Variants in MRE11 observed in about 807,000 individuals in gnomAD.
MRE11 encodes MRE11 double strand break repair nuclease, also known as double-strand break repair protein MRE11.
A neutral mutation model predicts 91.7 loss-of-function variants in MRE11; 62 were observed. The observed-to-expected ratio is 0.68, with a 90% CI of 0.55 to 0.84. MRE11 has a LOEUF of 0.84. Ranked by LOEUF, MRE11 falls within the 40% of genes least tolerant of loss-of-function variation. The probability of loss-of-function intolerance (pLI) is 0.00; values close to 1 mark genes in which losing one functional copy is unlikely to be tolerated. For synonymous variants in MRE11, 273 were observed against 271.4 expected (o/e 1.01, Z -0.06); for missense variants, 796 against 852.9 (o/e 0.93, Z 0.83).
chr11:94,498,032 TTTGAG>T (rs568000570), upstream of MRE11: 1,066 of 1,473,000 alleles, frequency 7.2e-4, 8 homozygotes, highest in Middle Eastern at 9.8e-3. Context: ...ATTGTTTTGG[TTTGAG>T]TTGAGTTGAA....
the MRE11 span, among the ~76,000 whole-genome samples, chr11:94,503,652 C>T: frequency 2.5e-4 from 37 of 150,934 alleles, no homozygotes; most frequent in Non-Finnish European, 4.7e-4. Context: ...GCCAAGATCG[C>T]GCCACTGCAC....
In MRE11 at chr11:94,420,032, A is replaced by G; in HGVS notation, c.*93T>C. Reference sequence around the variant, plus strand: ...TCTTACTTATGGAGTTATGCTCAGGAAACAATACTTAAAATCTTAAACTGT... The same window carrying G: ...TCTTACTTATGGAGTTATGCTCAGGGAACAATACTTAAAATCTTAAACTGT... On this transcript the variant is annotated 3_prime_UTR_variant, in exon 20 of 20. Coordinates refer to ENST00000323929, the MANE Select transcript of MRE11 (RefSeq NM_005591.4). The G allele has an allele frequency of 9.6e-7, 1 of 1,037,450 alleles. No individual in the cohort carries two copies. Among genetic ancestry groups the G allele is most frequent in the Admixed American group, 1.9e-5 (1 of 51,476 alleles). 64.3% of individuals were successfully genotyped at this position (1,037,450 alleles called of 1,614,324 possible).
chr11:94,430,705 G>A (rs968393676), intron 18 of MRE11, among the ~76,000 whole-genome samples: 5 of 151,894 alleles, frequency 3.3e-5, no homozygotes, highest in African/African-American at 9.7e-5. Context: ...TCTTGACCTC[G>A]TGATCCGCCC....
In MRE11 at chr11:94,417,638, G is replaced by A; in HGVS notation, c.*2487C>T. 4.3e-6 allele frequency: 1 copy of A among 233,058 alleles called. No individual in the cohort carries two copies. The allele number at this position is 233,058 out of a possible 1,614,324, so 14.4% of individuals were successfully genotyped here. A position where few individuals can be genotyped will look rare whatever the true frequency, so the allele number is the denominator to read the frequency against. On this transcript the variant is annotated 3_prime_UTR_variant, in exon 20 of 20. Transcript: ENST00000323929. ...GAAGTTAGGGCTTGTTACCCAGAAA[G>A]GAGAAAACAATATAATGGGCATCCA...
Position 94,492,856 on chromosome 11 carries a change from G to GTACTGT in MRE11, c.-61_-56dup. On this transcript the variant is annotated 5_prime_UTR_variant, in exon 2 of 20. Transcript: ENST00000323929. Reference sequence around the variant, plus strand: ...CAGGTTCTTCTCCAAGAACCCCTGGGTACTGTACTCAAATGTCAGAAAATG... The same window carrying GTACTGT: ...CAGGTTCTTCTCCAAGAACCCCTGGGTACTGTTACTGTACTCAAATGTCAGAAAATG... 6.5e-7 allele frequency: 1 copy of GTACTGT among 1,527,388 alleles called. No homozygotes were observed. The highest frequency in any genetic ancestry group is 9.0e-7 in the Non-Finnish European group (1 of 1,105,934). The allele number at this position is 1,527,388 out of a possible 1,614,324, so 94.6% of individuals were successfully genotyped here.
intron 8 of MRE11, among the ~76,000 whole-genome samples, chr11:94,470,902 T>TA (rs923133969): frequency 6.6e-6 from 1 of 151,994 alleles, no homozygotes; most frequent in Non-Finnish European, 1.5e-5. Context: ...ATAATAAGCA[T>TA]AAAAAAATGT....
chr11:94,512,412 T>A, the MRE11 span: 12 of 1,142,592 alleles, frequency 1.1e-5, no homozygotes, highest in Admixed American at 5.1e-4. Flanking sequence ...GAAGGCCGGC[T>A]GGGGGCGGGG....
At chr11:94,455,038 C>T (rs938645762) in intron 14 of MRE11, among the ~76,000 whole-genome samples, 1 of 152,162 alleles carries the variant, frequency 6.6e-6, no homozygotes, top group African/African-American at 2.4e-5. Context: ...ACAGTGGTTG[C>T]AACTATGTGT....
chr11:94,472,727 G>C (rs945483760), intron 7 of MRE11, among the ~76,000 whole-genome samples: 3 of 152,112 alleles, frequency 2.0e-5, no homozygotes, highest in Non-Finnish European at 4.4e-5. Flanking sequence ...TTAAGGCCAT[G>C]TGTATAAGGT....
intron 4 of MRE11, among the ~76,000 whole-genome samples, chr11:94,480,714 T>C (rs922900485): frequency 6.6e-6 from 1 of 152,196 alleles, no homozygotes; most frequent in Admixed American, 6.5e-5. Flanking sequence ...GAGGGACAGT[T>C]TTCCCCTACC....
the MRE11 span, among the ~76,000 whole-genome samples, chr11:94,501,078 C>T: frequency 6.6e-6 from 1 of 152,168 alleles, no homozygotes; most frequent in African/African-American, 2.4e-5. Context: ...TGTAGGATTA[C>T]TAGATGACCA....
At position 94,490,931 on chromosome 11, in the gene MRE11, TTGC is replaced by T. The variant is rs876658216; in HGVS notation, c.52_54del (p.Ala18del). ...TCCATAAATCCAAGATGAATATCTG[TTGC>T]AACTAATATTTTAAATGTGTTTTCA... On this transcript the variant is annotated inframe_deletion, in exon 3 of 20. Transcript: ENST00000323929. The T allele has an allele frequency of 7.2e-6, 11 of 1,534,218 alleles. No individual in the cohort carries two copies. Among genetic ancestry groups the T allele is most frequent in the Non-Finnish European group, 9.9e-6 (11 of 1,108,088 alleles).
chr11:94,509,600 G>A, the MRE11 span, among the ~76,000 whole-genome samples: 25 of 151,734 alleles, frequency 1.6e-4, no homozygotes, highest in African/African-American at 5.6e-4. Context: ...GTACCACCAC[G>A]CCCAGCTAAT....
the MRE11 span, among the ~76,000 whole-genome samples, chr11:94,499,745 C>T: frequency 1.3e-5 from 2 of 152,120 alleles, no homozygotes; most frequent in South Asian, 4.1e-4. Flanking sequence ...GTTTTGTCTT[C>T]TCAACACCAC....
rs745766916 is a variant in MRE11 at position 94,486,070 on chromosome 11, CAAAAT to C, written c.163_167del (p.Ile55ValfsTer4). On this transcript the variant is annotated frameshift_variant, in exon 4 of 20. Transcript: ENST00000323929. LOFTEE classifies it high-confidence loss of function. ...TTTCATGAAAAAGATCACCACCTAA[CAAAAT>C]AAAATCCACCTGATCAACAGAAAAA... 1.9e-6 allele frequency: 3 copies of C among 1,613,452 alleles called. No homozygotes were observed. In the Admixed American group the frequency reaches 5.0e-5, roughly 27 times the overall value.
chr11:94,459,378 T>C (rs768569294), intron 13 of MRE11, 30 bp downstream of exon 13: 5 of 1,611,638 alleles, frequency 3.1e-6, no homozygotes, highest in Non-Finnish European at 4.2e-6. Context: ...ACTATTTAAA[T>C]AGACCTAGAC....
chr11:94,439,937 T>C (rs984495915), intron 16 of MRE11, among the ~76,000 whole-genome samples: 4 of 152,348 alleles, frequency 2.6e-5, no homozygotes, highest in African/African-American at 7.2e-5. Context: ...TTGTCAAGTA[T>C]TTAACAAGCA....
At position 94,467,211 on chromosome 11, in the gene MRE11, T is replaced by C. The variant is rs894120350; in HGVS notation, c.1098+602A>G. ...GAGTTTGGAAAAGGGAAAAGCATAGTGGTAAAGAAGAAGTCTGTTGTTGTT... is the reference window on the plus strand; with the variant it reads ...GAGTTTGGAAAAGGGAAAAGCATAGCGGTAAAGAAGAAGTCTGTTGTTGTT... On this transcript the variant is annotated intron_variant, in intron 10 of 19. Coordinates refer to ENST00000323929, the MANE Select transcript of MRE11 (RefSeq NM_005591.4). Among the ~76,000 whole-genome samples, 5 of 152,168 alleles carry C rather than the reference T, an allele frequency of 3.3e-5. No individual in the cohort carries two copies. In the South Asian group the frequency reaches 1.0e-3, roughly 32 times the overall value.
At chr11:94,511,363 G>A in the MRE11 span, among the ~76,000 whole-genome samples, 3 of 152,306 alleles carry the variant, frequency 2.0e-5, no homozygotes, top group East Asian at 5.8e-4. Flanking sequence ...TGTAAAGCCT[G>A]AAGAACTGTG....
Sources: gnomAD v4.1 joint callset for allele counts (sites outside exome capture counted in the v4.1 genomes callset) on GRCh38, gnomAD v4.1.1 for gene constraint, MANE v1.5 for transcripts, NCBI Gene and HGNC (gene_info 2026-07-23, HGNC 2026-07-21) for gene names.